Variants in PATJ observed in about 807,000 individuals in gnomAD.
PATJ encodes inaD-like protein.
A neutral mutation model predicts 224.9 loss-of-function variants in PATJ; 190 were observed. That is an observed-to-expected ratio of 0.84 (90% CI 0.75 to 0.95). The LOEUF (loss-of-function observed/expected upper bound fraction) is 0.95. Ranked by LOEUF, PATJ falls within the 40% of genes least tolerant of loss-of-function variation. The pLI is 0.00. For synonymous variants in PATJ, 769 were observed against 820.3 expected, an observed-to-expected ratio of 0.94 and a Z score of 1.07; for missense variants, 2,121 against 2,270.3, an observed-to-expected ratio of 0.93 and a Z score of 1.34.
At chr1:61,816,868 G>A (rs11207845) in intron 14 of PATJ, among the ~76,000 whole-genome samples, 5,174 of 152,216 alleles carry the variant, frequency 0.034, 273 homozygotes, top group African/African-American at 0.11. Flanking sequence ...CATCCCAGGA[G>A]CTCTTTCAAA....
At chr1:62,003,321 G>A (rs1031555642) in intron 28 of PATJ, among the ~76,000 whole-genome samples, 1 of 151,928 alleles carries the variant, frequency 6.6e-6, no homozygotes, top group African/African-American at 2.4e-5. Context: ...AACATGTCAG[G>A]GTTTAGAATT....
chr1:61,758,175 G>A (rs185660637), intron 1 of PATJ, among the ~76,000 whole-genome samples: 12 of 152,234 alleles, frequency 7.9e-5, no homozygotes, highest in South Asian at 4.1e-4. Flanking sequence ...GGCAGAAGCC[G>A]CAGACACAGA....
intron 28 of PATJ, among the ~76,000 whole-genome samples, chr1:61,996,649 A>G (rs1254213945): frequency 6.6e-6 from 1 of 152,146 alleles, no homozygotes; most frequent in East Asian, 1.9e-4. Flanking sequence ...AGTTTGAGGA[A>G]CAGGAAGAAG....
chr1:61,903,133 T>C (rs1323154042), intron 24 of PATJ, among the ~76,000 whole-genome samples: 6 of 152,256 alleles, frequency 3.9e-5, no homozygotes, highest in Admixed American at 6.5e-5. Flanking sequence ...TGGAGAATTA[T>C]GAACAGGTAA....
At chr1:61,919,065 C>T (rs1401476053) in intron 26 of PATJ, among the ~76,000 whole-genome samples, 1 of 151,862 alleles carries the variant, frequency 6.6e-6, no homozygotes, top group African/African-American at 2.4e-5. Flanking sequence ...CTTGATTAAT[C>T]TTGAAAGTAA....
chr1:61,930,070 ATAT>A (rs1173738509), intron 27 of PATJ, among the ~76,000 whole-genome samples: 3 of 152,176 alleles, frequency 2.0e-5, no homozygotes, highest in African/African-American at 4.8e-5. Context: ...TTGAGCTATA[ATAT>A]TATACATTTC....
chr1:62,040,780 G>A (rs992330831), intron 30 of PATJ, among the ~76,000 whole-genome samples: 6 of 151,814 alleles, frequency 4.0e-5, no homozygotes, highest in Non-Finnish European at 8.8e-5. Flanking sequence ...ATTTAAACAG[G>A]GGAGTGAGGT....
At chr1:62,117,270 G>A (rs1163859559) in intron 37 of PATJ, 52 bp downstream of exon 37, 1 of 1,610,680 alleles carries the variant, frequency 6.2e-7, no homozygotes, top group Admixed American at 1.7e-5. Flanking sequence ...CCCACTGGGA[G>A]AAAGTTCCCC....
At chr1:61,997,982 T>TTTTTTTTATATATATATATATATATATA (rs374175697) in intron 28 of PATJ, among the ~76,000 whole-genome samples, 7 of 118,302 alleles carry the variant, frequency 5.9e-5, no homozygotes, top group Non-Finnish European at 9.7e-5. Flanking sequence ...TGTGCCCAGC[T>TTTTTTTTATATATATATATATATATATA]TATATATGTA....
At chr1:62,158,173 A>T (rs905726747) in intron 43 of PATJ, among the ~76,000 whole-genome samples, 1 of 149,554 alleles carries the variant, frequency 6.7e-6, no homozygotes, top group Non-Finnish European at 1.5e-5. Flanking sequence ...AAGAGCCACA[A>T]TTACAAAGTA....
intron 27 of PATJ, among the ~76,000 whole-genome samples, chr1:61,982,000 ATTCCCTTCCTCT>A: frequency 6.6e-6 from 1 of 151,982 alleles, no homozygotes; most frequent in South Asian, 2.1e-4. Context: ...TCTGTATGCT[ATTCCCTTCCTCT>A]GAGTATAGGG....
intron 17 of PATJ, among the ~76,000 whole-genome samples, chr1:61,834,029 G>C (rs1227300164): frequency 6.6e-6 from 1 of 152,162 alleles, no homozygotes; most frequent in Non-Finnish European, 1.5e-5. Context: ...TGCTTTTAGA[G>C]CAGGATCTTG....
chr1:62,055,110 G>T (rs576135586), intron 31 of PATJ, among the ~76,000 whole-genome samples: 1 of 152,230 alleles, frequency 6.6e-6, no homozygotes, highest in African/African-American at 2.4e-5. Flanking sequence ...GTTGGTTTGT[G>T]ATCTTAATCT....
intron 31 of PATJ, among the ~76,000 whole-genome samples, chr1:62,052,669 G>C (rs150683545): frequency 7.2e-5 from 11 of 151,732 alleles, no homozygotes; most frequent in Non-Finnish European, 1.5e-4. Flanking sequence ...TTGAACCCAG[G>C]GGGAGGCAGA....
At chr1:62,116,437 G>T in intron 35 of PATJ, 95 bp from the exon 36 acceptor site, 1 of 1,366,442 alleles carries the variant, frequency 7.3e-7, no homozygotes, top group South Asian at 1.4e-5. Context: ...AAGAAGAAAG[G>T]AGCATATATG....
intron 21 of PATJ, among the ~76,000 whole-genome samples, chr1:61,881,094 A>AAAAAT (rs1050590352): frequency 6.6e-6 from 1 of 152,240 alleles, no homozygotes; most frequent in African/African-American, 2.4e-5. Context: ...ACCTTGTCTC[A>AAAAAT]AAAATAAAAT....
At chr1:62,007,170 A>G (rs1043097864) in intron 28 of PATJ, among the ~76,000 whole-genome samples, 2 of 152,214 alleles carry the variant, frequency 1.3e-5, no homozygotes, top group African/African-American at 4.8e-5. Context: ...CAGAGCTACT[A>G]TAATTTGCTA....
chr1:61,801,750 A>G lies in PATJ; in HGVS notation c.1530A>G (p.Ile510Met), dbSNP rs1250337562. The part of the protein sequence containing the change: ...ERIDTLKNDN[I>M]QALEKLEKVP... ...TTGATACTTTAAAAAATGACAACAT[A>G]CAAGCCTTAGAAAAATTGGGTAGGC... is the stretch of plus-strand genomic sequence containing the variant. The change falls in exon 12 of 44, where the codon ATA becomes ATG. Residue 510 changes from isoleucine to methionine, a missense_variant. By Grantham distance (10) the Ile-to-Met change is conservative. Coordinates refer to ENST00000642238, the MANE Select transcript of PATJ (RefSeq NM_001350145.3). 6.3e-7 allele frequency: 1 copy of G among 1,589,584 alleles called. No homozygotes were observed. Among genetic ancestry groups the G allele is most frequent in the Non-Finnish European group, 8.6e-7 (1 of 1,167,972 alleles).
At chr1:62,137,464 C>G (rs36022786) in intron 41 of PATJ, among the ~76,000 whole-genome samples, 40 of 9,446 alleles carry the variant, frequency 4.2e-3, no homozygotes, top group Admixed American at 8.8e-3. Context: ...AGTGAGGGGG[C>G]ACAGCAGCCT....
Sources: gnomAD v4.1 joint callset for allele counts (sites outside exome capture counted in the v4.1 genomes callset) on GRCh38, gnomAD v4.1.1 for gene constraint, MANE v1.5 for transcripts, NCBI Gene and HGNC (gene_info 2026-07-23, HGNC 2026-07-21) for gene names.